The following CSMD1 variants were observed in gnomAD, a reference collection of about 807,000 sequenced individuals.
The protein encoded by CSMD1 is CUB and Sushi multiple domains 1, also known as CUB and sushi domain-containing protein 1.
Under a neutral mutation model 417.5 loss-of-function variants are expected in CSMD1, and 213 were observed. The ratio of observed to expected loss-of-function variants is 0.51; its 90% CI spans 0.46 to 0.57. The LOEUF (loss-of-function observed/expected upper bound fraction) is 0.57, where lower values mean the gene tolerates loss of function less well. Ranked by LOEUF, CSMD1 falls within the 20% of genes least tolerant of loss-of-function variation. CSMD1 has a pLI of 0.00. For missense variants in CSMD1, 6,923 were observed against 4,529.7 expected (o/e 1.53, Z -15.17); for synonymous variants, 2,862 against 1,736.8 (o/e 1.65, Z -16.11).
At chr8:3,244,361 A>C (rs1296196599) in intron 26 of CSMD1, among the ~76,000 whole-genome samples, 1 of 152,168 alleles carries the variant, frequency 6.6e-6, no homozygotes, top group Non-Finnish European at 1.5e-5. Flanking sequence ...TTAGTTATGC[A>C]AACCTAGGAC....
rs148265826 is a variant in CSMD1, at chr8:4,396,062, A to T, written c.415+23891T>A. 1.2e-3 allele frequency among the ~76,000 whole-genome samples: 186 copies of T among 152,304 alleles called. 1 individual carries two copies. Among genetic ancestry groups the T allele is most frequent in the African/African-American group, 4.2e-3 (175 of 41,576 alleles). The stretch of plus-strand genomic sequence containing the variant: ...GTAGCTAGCTATAATGTTGGCATGC[A>T]TCACCCATTTCTGTCTTATACCATC... On this transcript the variant is annotated intron_variant, in intron 3 of 69. Transcript: ENST00000635120.
chr8:3,626,024 G>A (rs1054079293), intron 7 of CSMD1, among the ~76,000 whole-genome samples: 5 of 152,280 alleles, frequency 3.3e-5, no homozygotes, highest in African/African-American at 1.2e-4. Flanking sequence ...TAAAGTCAGT[G>A]TAAATGACCT....
Position 4,031,890 on chromosome 8 carries a change from C to G in CSMD1, c.610+15G>C, listed in dbSNP as rs1210423571. ...GCCCTGGAGTCTGCTCACCAGCCCC[C>G]TTGTAGCACTGTACCTCTGCAAAAG... On this transcript the variant is annotated intron_variant, in intron 4 of 69. Transcript: ENST00000635120. 1 of 1,602,194 alleles carries G rather than the reference C, an allele frequency of 6.2e-7. No homozygotes were observed. The highest frequency in any genetic ancestry group is 8.5e-7 in the Non-Finnish European group (1 of 1,172,440).
At chr8:3,471,464 G>C (rs1023460188) in intron 11 of CSMD1, among the ~76,000 whole-genome samples, 3 of 152,096 alleles carry the variant, frequency 2.0e-5, no homozygotes, top group African/African-American at 7.2e-5. Context: ...TATATATCAA[G>C]TTTGGAATCT....
chr8:4,619,846 T>C (rs942396514), intron 2 of CSMD1, among the ~76,000 whole-genome samples: 12 of 152,176 alleles, frequency 7.9e-5, no homozygotes, highest in African/African-American at 1.2e-4. Flanking sequence ...AATTAAATAA[T>C]TCCATGATAA....
chr8:4,456,733 C>A (rs1263086601), intron 2 of CSMD1, among the ~76,000 whole-genome samples: 2 of 152,086 alleles, frequency 1.3e-5, no homozygotes, highest in Admixed American at 6.5e-5. Flanking sequence ...TGCATCAGTC[C>A]TTACTGTCTA....
intron 3 of CSMD1, among the ~76,000 whole-genome samples, chr8:4,382,242 A>T (rs1803150148): frequency 6.6e-6 from 1 of 152,214 alleles, no homozygotes; most frequent in African/African-American, 2.4e-5. Flanking sequence ...AACCATTACC[A>T]AAGCCATAAA....
intron 3 of CSMD1, among the ~76,000 whole-genome samples, chr8:4,245,859 G>C (rs887124439): frequency 3.9e-5 from 6 of 152,020 alleles, no homozygotes; most frequent in African/African-American, 1.4e-4. Context: ...CATAATCTTT[G>C]AACATAGGAC....
chr8:4,708,210 A>C, intron 1 of CSMD1, among the ~76,000 whole-genome samples: 1 of 152,100 alleles, frequency 6.6e-6, no homozygotes, highest in East Asian at 1.9e-4. Context: ...TGGGCCTTCT[A>C]AAGTGCTGAG....
chr8:4,471,699 G>A (rs141772321), intron 2 of CSMD1, among the ~76,000 whole-genome samples: 195 of 151,996 alleles, frequency 1.3e-3, no homozygotes, highest in African/African-American at 4.3e-3. Context: ...GAGAGAACAC[G>A]ACCCATCTTC....
intron 5 of CSMD1, among the ~76,000 whole-genome samples, chr8:3,925,876 C>T (rs2554667): frequency 0.51 from 77,715 of 151,666 alleles, 21,411 homozygotes; most frequent in East Asian, 0.71. Flanking sequence ...TTATTTTATT[C>T]AAGTTTTATT....
chr8:4,938,993 G>T (rs1563817274), intron 1 of CSMD1, among the ~76,000 whole-genome samples: 2 of 152,042 alleles, frequency 1.3e-5, no homozygotes, highest in Non-Finnish European at 2.9e-5. Flanking sequence ...CAGGTTATTT[G>T]TTTTCTTTCT....
At chr8:4,766,820 T>C (rs559221621) in intron 1 of CSMD1, among the ~76,000 whole-genome samples, 6 of 152,316 alleles carry the variant, frequency 3.9e-5, no homozygotes, top group Admixed American at 6.5e-5. Context: ...ATGGACATTA[T>C]GTTAACCATG....
At chr8:4,905,080 G>C (rs1338382084) in intron 1 of CSMD1, among the ~76,000 whole-genome samples, 4 of 152,102 alleles carry the variant, frequency 2.6e-5, no homozygotes, top group Admixed American at 6.5e-5. Flanking sequence ...TGCCAGCATA[G>C]GATCGTTCCC....
intron 5 of CSMD1, among the ~76,000 whole-genome samples, chr8:3,987,415 C>T (rs926867252): frequency 6.6e-6 from 1 of 152,188 alleles, no homozygotes; most frequent in East Asian, 1.9e-4. Context: ...CAGGGGTTGT[C>T]TGTCTCCGTT....
chr8:4,483,111 A>G (rs1801187744), intron 2 of CSMD1, among the ~76,000 whole-genome samples: 1 of 152,126 alleles, frequency 6.6e-6, no homozygotes, highest in Admixed American at 6.6e-5. Flanking sequence ...AGTCTCCCCC[A>G]TACTGTTCTC....
intron 18 of CSMD1, among the ~76,000 whole-genome samples, chr8:3,371,477 CTTTT>C (rs11443729): frequency 7.3e-4 from 107 of 146,910 alleles, no homozygotes; most frequent in African/African-American, 2.6e-3. Flanking sequence ...GGTTCCTTTG[CTTTT>C]TTTTTTTTTA....
At chr8:3,429,212 T>A (rs2117012762) in intron 12 of CSMD1, among the ~76,000 whole-genome samples, 1 of 139,750 alleles carries the variant, frequency 7.2e-6, no homozygotes, top group African/African-American at 2.5e-5. Context: ...AAAGAAACGC[T>A]GAACGTTGGA....
At chr8:3,820,345 T>A (rs1801659362) in intron 5 of CSMD1, among the ~76,000 whole-genome samples, 1 of 152,038 alleles carries the variant, frequency 6.6e-6, no homozygotes, top group African/African-American at 2.4e-5. Context: ...ATATATGGTG[T>A]TTGAACTGGG....
Sources: gnomAD v4.1 joint callset for allele counts (sites outside exome capture counted in the v4.1 genomes callset) on GRCh38, gnomAD v4.1.1 for gene constraint, MANE v1.5 for transcripts, NCBI Gene and HGNC (gene_info 2026-07-23, HGNC 2026-07-21) for gene names.